Variants in PTPRD observed in about 807,000 individuals in gnomAD.
The protein encoded by PTPRD is protein tyrosine phosphatase receptor type D.
A neutral mutation model predicts 214.5 loss-of-function variants in PTPRD; 34 were observed. That is an observed-to-expected ratio of 0.16 (90% CI 0.12 to 0.21). PTPRD has a LOEUF of 0.21. Ranked by LOEUF, PTPRD falls within the 10% of genes least tolerant of loss-of-function variation. The pLI, the probability that PTPRD is intolerant of heterozygous loss-of-function variation, is 1.00. For synonymous variants in PTPRD, 1,128 were observed against 845.7 expected (o/e 1.33, Z -5.79); for missense variants, 2,545 against 2,398.7 (o/e 1.06, Z -1.27).
At chr9:9,216,749 C>T (rs2099952555) in intron 9 of PTPRD, among the ~76,000 whole-genome samples, 1 of 152,048 alleles carries the variant, frequency 6.6e-6, no homozygotes, top group African/African-American at 2.4e-5. Context: ...TGAAACAACC[C>T]TCTCCTCTTT....
At chr9:9,992,548 C>G (rs536344758) in intron 4 of PTPRD, among the ~76,000 whole-genome samples, 5 of 152,214 alleles carry the variant, frequency 3.3e-5, no homozygotes, top group African/African-American at 9.6e-5. Flanking sequence ...TTGGAACCAA[C>G]CCAAATGTCC....
At chr9:8,946,998 A>G (rs1398658531) in intron 11 of PTPRD, among the ~76,000 whole-genome samples, 1 of 88,680 alleles carries the variant, frequency 1.1e-5, no homozygotes, top group African/African-American at 4.3e-5. Context: ...CAAGCTTTCT[A>G]TCTCTGTCTC....
At chr9:9,274,655 C>T (rs184998545) in intron 9 of PTPRD, among the ~76,000 whole-genome samples, 1 of 151,122 alleles carries the variant, frequency 6.6e-6, no homozygotes, top group Non-Finnish European at 1.5e-5. Context: ...AGAACTTGAA[C>T]ATATTCTTTT....
chr9:9,065,543 T>A (rs919093379), intron 10 of PTPRD, among the ~76,000 whole-genome samples: 1 of 152,154 alleles, frequency 6.6e-6, no homozygotes, highest in African/African-American at 2.4e-5. Context: ...TCAAGTGCAA[T>A]GTGAAGCTGA....
At chr9:8,484,790 A>T (rs950955379) in intron 29 of PTPRD, among the ~76,000 whole-genome samples, 1 of 152,070 alleles carries the variant, frequency 6.6e-6, no homozygotes, top group Non-Finnish European at 1.5e-5. Flanking sequence ...ATGTTTCTCT[A>T]TTTCTTATTT....
chr9:8,857,607 G>A (rs2097953179), intron 11 of PTPRD: 1 of 153,240 alleles, frequency 6.5e-6, no homozygotes, highest in Non-Finnish European at 1.5e-5. Context: ...AAGACACCGC[G>A]GGGCGGACGG....
chr9:9,887,111 G>T (rs780836150), intron 5 of PTPRD, among the ~76,000 whole-genome samples: 8 of 152,082 alleles, frequency 5.3e-5, no homozygotes, highest in Non-Finnish European at 1.0e-4. Context: ...TGGAAACACA[G>T]TGACTTACAC....
intron 34 of PTPRD, among the ~76,000 whole-genome samples, chr9:8,440,694 C>T (rs1364013801): frequency 1.3e-5 from 2 of 152,124 alleles, no homozygotes; most frequent in Admixed American, 6.6e-5. Flanking sequence ...ATAGAGTCAA[C>T]ATGAAAAATG....
chr9:8,526,751 A>G, intron 16 of PTPRD, 107 bp from the exon 17 acceptor site: 1 of 873,342 alleles, frequency 1.1e-6, no homozygotes, highest in South Asian at 2.2e-5. Flanking sequence ...TACAGAATTA[A>G]ATAAGGTCTT....
intron 12 of PTPRD, among the ~76,000 whole-genome samples, chr9:8,659,462 T>C (rs1339000684): frequency 6.6e-6 from 1 of 152,250 alleles, no homozygotes; most frequent in Non-Finnish European, 1.5e-5. Context: ...TTTCAAATAC[T>C]ACTACTAAAT....
At chr9:8,452,008 T>C (rs865852028) in intron 33 of PTPRD, 1 of 321,598 alleles carries the variant, frequency 3.1e-6, no homozygotes, top group Middle Eastern at 4.3e-4. Context: ...CCCATTTCTC[T>C]GGTGCAAGGA....
chr9:8,693,377 C>T (rs952568854), intron 12 of PTPRD, among the ~76,000 whole-genome samples: 2 of 152,104 alleles, frequency 1.3e-5, no homozygotes, highest in African/African-American at 2.4e-5. Context: ...TTGACGTACG[C>T]CAATGAAAAT....
chr9:8,671,599 T>C (rs900098908), intron 12 of PTPRD, among the ~76,000 whole-genome samples: 6 of 152,198 alleles, frequency 3.9e-5, no homozygotes, highest in Non-Finnish European at 5.9e-5. Flanking sequence ...ATATTTTATC[T>C]GTAGGAATCA....
At chr9:8,663,937 T>G (rs879588837) in intron 12 of PTPRD, among the ~76,000 whole-genome samples, 1 of 152,130 alleles carries the variant, frequency 6.6e-6, no homozygotes, top group African/African-American at 2.4e-5. Context: ...CGGAAAATGT[T>G]TTTTAAATCA....
At chr9:10,249,943 A>T (rs2092614855) in intron 3 of PTPRD, among the ~76,000 whole-genome samples, 1 of 152,196 alleles carries the variant, frequency 6.6e-6, no homozygotes, top group Non-Finnish European at 1.5e-5. Context: ...TTAGAGACAC[A>T]TGCATACATC....
At chr9:10,248,870 T>A (rs937932177) in intron 3 of PTPRD, among the ~76,000 whole-genome samples, 7 of 97,882 alleles carry the variant, frequency 7.2e-5, no homozygotes, top group African/African-American at 1.7e-4. Context: ...ACAGAGGTGA[T>A]ATTTTATCTT....
intron 4 of PTPRD, among the ~76,000 whole-genome samples, chr9:10,030,695 G>A (rs932702007): frequency 6.6e-6 from 1 of 152,122 alleles, no homozygotes; most frequent in African/African-American, 2.4e-5. Flanking sequence ...CTATCCCATA[G>A]AAAAATTCCA....
Position 9,443,964 on chromosome 9 carries a change from T to G in PTPRD, c.-236-46482A>C, listed in dbSNP as rs543041964. ...TAGGGACTTTTTTGTCTACTATACATAATGACAATTTTTCTAACTACAGTG... is the reference window on the plus strand; with the variant it reads ...TAGGGACTTTTTTGTCTACTATACAGAATGACAATTTTTCTAACTACAGTG... On this transcript the variant is annotated intron_variant, in intron 8 of 45. Transcript: ENST00000381196. 2.6e-4 allele frequency among the ~76,000 whole-genome samples: 40 copies of G among 152,318 alleles called. 1 individual carries two copies. Among genetic ancestry groups the G allele is most frequent in the Admixed American group, 5.9e-4 (9 of 15,296 alleles).
At chr9:8,365,636 A>G (rs2079639497) in intron 39 of PTPRD, among the ~76,000 whole-genome samples, 1 of 152,180 alleles carries the variant, frequency 6.6e-6, no homozygotes, top group Non-Finnish European at 1.5e-5. Context: ...AAATGAGGTC[A>G]TAAATGAGTT....
Sources: gnomAD v4.1 joint callset for allele counts (sites outside exome capture counted in the v4.1 genomes callset) on GRCh38, gnomAD v4.1.1 for gene constraint, MANE v1.5 for transcripts, NCBI Gene and HGNC (gene_info 2026-07-23, HGNC 2026-07-21) for gene names.